PARVB: variants seen among roughly 807,000 people sequenced by gnomAD.
PARVB encodes beta-parvin.
In PARVB, 46 loss-of-function variants were observed where a neutral mutation model predicts 47.0. That is an observed-to-expected ratio of 0.98 (90% CI 0.77 to 1.25). The LOEUF is 1.25. Among genes scored for constraint, PARVB ranks in the 50% most tolerant of loss-of-function variants. The pLI is 0.00. For synonymous variants in PARVB, 196 were observed against 196.3 expected, an observed-to-expected ratio of 1.00 and a Z score of 0.01; for missense variants, 473 against 471.6, an observed-to-expected ratio of 1.00 and a Z score of -0.03.
At chr22:44,128,923 C>A (rs947621728) in intron 4 of PARVB, among the ~76,000 whole-genome samples, 5 of 152,052 alleles carry the variant, frequency 3.3e-5, no homozygotes, top group African/African-American at 1.2e-4. Flanking sequence ...ACTAAAAATA[C>A]AAAAATTACC....
chr22:44,084,920 T>A (rs1456821686), intron 1 of PARVB, among the ~76,000 whole-genome samples: 2 of 152,262 alleles, frequency 1.3e-5, no homozygotes, highest in African/African-American at 4.8e-5. Flanking sequence ...TTTCCATTCT[T>A]GTAGCTTTAT....
chr22:44,075,340 C>T (rs965105796), intron 1 of PARVB, among the ~76,000 whole-genome samples: 1 of 152,202 alleles, frequency 6.6e-6, no homozygotes, highest in Non-Finnish European at 1.5e-5. Flanking sequence ...AAGTTCACAG[C>T]AGAATTGAGT....
At chr22:44,021,712 A>C (rs552750107), upstream of PARVB, among the ~76,000 whole-genome samples, 8 of 150,524 alleles carry the variant, frequency 5.3e-5, no homozygotes, top group East Asian at 1.4e-3. Context: ...ATGAATCACC[A>C]GGATGGGCTC....
At chr22:44,138,221 C>T (rs1233425921) in intron 7 of PARVB, among the ~76,000 whole-genome samples, 1 of 152,186 alleles carries the variant, frequency 6.6e-6, no homozygotes, top group Non-Finnish European at 1.5e-5. Flanking sequence ...AGAAAGGATG[C>T]ATCCACAGAC....
intron 3 of PARVB, among the ~76,000 whole-genome samples, chr22:44,101,125 T>G (rs1286240970): frequency 1.3e-5 from 2 of 152,196 alleles, no homozygotes; most frequent in Non-Finnish European, 2.9e-5. Flanking sequence ...AAATCTACAT[T>G]GAGGCTGGGC....
At chr22:44,163,593 G>A (rs1305870068) in intron 11 of PARVB, among the ~76,000 whole-genome samples, 1 of 152,222 alleles carries the variant, frequency 6.6e-6, no homozygotes, top group East Asian at 1.9e-4. Context: ...GCCCTCGAGA[G>A]CAGGCCGGGC....
intron 1 of PARVB, among the ~76,000 whole-genome samples, chr22:44,028,120 C>T (rs1413625990): frequency 3.3e-5 from 5 of 152,080 alleles, no homozygotes; most frequent in South Asian, 2.1e-4. Context: ...TCATTATCTC[C>T]GCAAGCTCAT....
Position 44,168,752 on chromosome 22 carries a change from A to G in PARVB, c.*74A>G. ...ATCCGTCTGTGCCCTGTGCCTTTCCAGGGAGCCAGGCGCCATGGGCTTCTG... is the reference window on the plus strand; with the variant it reads ...ATCCGTCTGTGCCCTGTGCCTTTCCGGGGAGCCAGGCGCCATGGGCTTCTG... On this transcript the variant is annotated 3_prime_UTR_variant, in exon 13 of 13. Transcript: ENST00000338758. The G allele has an allele frequency of 9.5e-7, 1 of 1,054,860 alleles. No homozygotes were observed. Among genetic ancestry groups the G allele is most frequent in the Non-Finnish European group, 1.5e-6 (1 of 675,218 alleles). The allele number at this position is 1,054,860 out of a possible 1,614,324, so 65.3% of individuals were successfully genotyped here.
intron 3 of PARVB, chr22:44,109,047 T>C (rs1457682414): frequency 6.6e-6 from 1 of 151,686 alleles, no homozygotes; most frequent in African/African-American, 2.4e-5. Flanking sequence ...CCCCGGTTGA[T>C]TGGACAAGAC....
At chr22:44,156,700 T>A (rs1254203839) in intron 10 of PARVB, among the ~76,000 whole-genome samples, 1 of 152,250 alleles carries the variant, frequency 6.6e-6, no homozygotes, top group Non-Finnish European at 1.5e-5. Flanking sequence ...TGGTAAATGT[T>A]ATGGTATATT....
intron 10 of PARVB, among the ~76,000 whole-genome samples, chr22:44,154,527 T>C (rs2053876918): frequency 7.4e-6 from 1 of 134,696 alleles, no homozygotes; most frequent in Non-Finnish European, 1.6e-5. Flanking sequence ...GTTTATGTAG[T>C]CTGGTGGGTG....
chr22:44,097,526 A>G (rs924117766), intron 2 of PARVB, among the ~76,000 whole-genome samples: 1 of 152,240 alleles, frequency 6.6e-6, no homozygotes, highest in Non-Finnish European at 1.5e-5. Context: ...TGGAGCCCCC[A>G]GATACAGAGG....
At chr22:44,157,566 G>T (rs571148494) in intron 10 of PARVB, among the ~76,000 whole-genome samples, 1 of 152,140 alleles carries the variant, frequency 6.6e-6, no homozygotes, top group South Asian at 2.1e-4. Context: ...AGTGAGAGGA[G>T]GGATGGATTG....
chr22:44,133,565 G>A (rs759698082), intron 6 of PARVB, among the ~76,000 whole-genome samples: 1 of 152,102 alleles, frequency 6.6e-6, no homozygotes, highest in Non-Finnish European at 1.5e-5. Flanking sequence ...TTGTGAAAGG[G>A]TTTCACTCTG....
intron 9 of PARVB, chr22:44,148,222 A>C: frequency 2.3e-6 from 1 of 428,864 alleles, no homozygotes; most frequent in Non-Finnish European, 4.4e-6. Context: ...AAATGTTTTT[A>C]AGCATGTCAG....
intron 8 of PARVB, chr22:44,140,765 C>T: frequency 2.9e-6 from 1 of 340,124 alleles, no homozygotes; most frequent in Non-Finnish European, 5.9e-6. Flanking sequence ...GGGGGACAGC[C>T]CTCTATGTGG....
intron 1 of PARVB, among the ~76,000 whole-genome samples, chr22:44,055,523 C>A (rs1278698021): frequency 6.6e-6 from 1 of 151,944 alleles, no homozygotes; most frequent in African/African-American, 2.4e-5. Flanking sequence ...TTAGTAGACA[C>A]GGGGTTTCAC....
intron 10 of PARVB, among the ~76,000 whole-genome samples, chr22:44,154,826 GGT>G (rs1382015539): frequency 6.9e-6 from 1 of 144,614 alleles, no homozygotes; most frequent in Non-Finnish European, 1.5e-5. Flanking sequence ...TAGTCTGTGT[GGT>G]GTGTGTTGTG....
At chr22:44,054,717 G>A (rs112676884) in intron 1 of PARVB, among the ~76,000 whole-genome samples, 3,179 of 152,192 alleles carry the variant, frequency 0.021, 122 homozygotes, top group African/African-American at 0.073. Context: ...AGCCGGGTGC[G>A]GTGGCTCACA....
Sources: gnomAD v4.1 joint callset for allele counts (sites outside exome capture counted in the v4.1 genomes callset) on GRCh38, gnomAD v4.1.1 for gene constraint, MANE v1.5 for transcripts, NCBI Gene and HGNC (gene_info 2026-07-23, HGNC 2026-07-21) for gene names.